The following NRG1 variants were observed in gnomAD, a reference collection of about 807,000 sequenced individuals.
The protein encoded by NRG1 is neuregulin 1.
Under a neutral mutation model 63.8 loss-of-function variants are expected in NRG1, and 18 were observed. The observed-to-expected ratio is 0.28, with a 90% CI of 0.19 to 0.42. The LOEUF is 0.42. Among genes scored for constraint, NRG1 ranks in the 10% least tolerant of loss-of-function variants. The pLI is 1.00. For missense variants in NRG1, 762 were observed against 814.7 expected (o/e 0.94, Z 0.79); for synonymous variants, 302 against 301.3 (o/e 1.00, Z -0.02).
chr8:31,818,946 C>T lies in NRG1; in HGVS notation c.37+179515C>T, dbSNP rs145050055. Among the ~76,000 whole-genome samples, 417 of 152,136 alleles carry T rather than the reference C, an allele frequency of 2.7e-3. 2 individuals carry two copies. The highest frequency in any genetic ancestry group is 9.4e-3 in the African/African-American group (391 of 41,540). On this transcript the variant is annotated intron_variant, in intron 1 of 10. Coordinates refer to the NRG1 transcript ENST00000519301. ...GTGGGCGCCTGTAGTCCCAGCTACT[C>T]GGGAGGCTGAGGCGAGAGAATCACT...
At chr8:32,297,407 A>G (rs554086006) in intron 1 of NRG1, among the ~76,000 whole-genome samples, 95 of 151,942 alleles carry the variant, frequency 6.3e-4, no homozygotes, top group Non-Finnish European at 1.3e-3. Flanking sequence ...TTCTGAGCAG[A>G]GGGATGATGT....
At chr8:31,791,553 T>C (rs4733275) in intron 1 of NRG1, among the ~76,000 whole-genome samples, 116,447 of 152,144 alleles carry the variant, frequency 0.77, 44,912 homozygotes, top group East Asian at 0.99. Context: ...TGCTATCTAA[T>C]GTATTCTGTT....
In NRG1 at chr8:32,024,210, G is replaced by A. The variant is rs76006447; in HGVS notation, c.37+384779G>A. 2.4e-3 allele frequency among the ~76,000 whole-genome samples: 372 copies of A among 152,278 alleles called. 4 individuals carry two copies. The highest frequency in any genetic ancestry group is 8.6e-3 in the African/African-American group (357 of 41,538). On this transcript the variant is annotated intron_variant, in intron 1 of 10. Transcript: ENST00000519301. ...TTCCATTACATACATGTCTTGAATCGGGAGAGTTAGAGCCTTATACTTTGT... is the reference window on the plus strand; with the variant it reads ...TTCCATTACATACATGTCTTGAATCAGGAGAGTTAGAGCCTTATACTTTGT...
At chr8:32,400,105 C>T (rs16879327) in intron 1 of NRG1, among the ~76,000 whole-genome samples, 20,203 of 152,124 alleles carry the variant, frequency 0.13, 1,415 homozygotes, top group South Asian at 0.19. Flanking sequence ...ACTTAGGCTG[C>T]CATTGCGTTA....
intron 1 of NRG1, among the ~76,000 whole-genome samples, chr8:32,015,858 T>G (rs989936720): frequency 6.6e-6 from 1 of 152,066 alleles, no homozygotes; most frequent in Non-Finnish European, 1.5e-5. Flanking sequence ...TTGTTTGTTT[T>G]TTTTTTTATT....
intron 1 of NRG1, among the ~76,000 whole-genome samples, chr8:32,414,608 T>A (rs1815597069): frequency 1.3e-5 from 2 of 152,278 alleles, no homozygotes; most frequent in African/African-American, 4.8e-5. Context: ...AGTATTTTAC[T>A]TTTGAAACCA....
chr8:31,791,229 A>G (rs973089379), intron 1 of NRG1, among the ~76,000 whole-genome samples: 1 of 151,874 alleles, frequency 6.6e-6, no homozygotes, highest in Non-Finnish European at 1.5e-5. Flanking sequence ...AAGAAAGAAA[A>G]AAAGAAGAGA....
At chr8:31,865,951 A>C (rs995308405) in intron 1 of NRG1, among the ~76,000 whole-genome samples, 3 of 152,174 alleles carry the variant, frequency 2.0e-5, no homozygotes, top group Admixed American at 1.3e-4. Flanking sequence ...TTGATGCTCC[A>C]CGTTGAGGGA....
chr8:31,857,004 T>A (rs1245475844), intron 1 of NRG1, among the ~76,000 whole-genome samples: 5 of 152,184 alleles, frequency 3.3e-5, no homozygotes, highest in African/African-American at 1.2e-4. Context: ...GGAGAACCAC[T>A]GCTCTCTTCA....
intron 1 of NRG1, among the ~76,000 whole-genome samples, chr8:31,980,842 T>C (rs1412772349): frequency 6.6e-6 from 1 of 152,058 alleles, no homozygotes; most frequent in Non-Finnish European, 1.5e-5. Context: ...CAGTGGTTTA[T>C]TTTATTCTAG....
intron 1 of NRG1, among the ~76,000 whole-genome samples, chr8:32,243,356 G>T (rs1033277995): frequency 6.6e-6 from 1 of 151,560 alleles, no homozygotes; most frequent in Non-Finnish European, 1.5e-5. Context: ...CTTGAACCCA[G>T]GAGGCAGACG....
At chr8:31,723,781 T>C (rs150286661) in intron 1 of NRG1, among the ~76,000 whole-genome samples, 1 of 152,284 alleles carries the variant, frequency 6.6e-6, no homozygotes, top group East Asian at 1.9e-4. Flanking sequence ...ATCTCTAATT[T>C]AGAAATGAAG....
chr8:32,009,328 C>T (rs1018364620), intron 1 of NRG1, among the ~76,000 whole-genome samples: 7 of 151,964 alleles, frequency 4.6e-5, no homozygotes, highest in Non-Finnish European at 2.9e-5. Flanking sequence ...ATATTCCATT[C>T]CCAGTTGTAT....
At chr8:31,639,818 C>T in intron 1 of NRG1, 4 of 1,225,648 alleles carry the variant, frequency 3.3e-6, no homozygotes, top group Non-Finnish European at 4.1e-6. Flanking sequence ...CCCTCCTCCT[C>T]CCATAAACAA....
chr8:31,775,680 G>A (rs1438149176), intron 1 of NRG1, among the ~76,000 whole-genome samples: 1 of 151,476 alleles, frequency 6.6e-6, no homozygotes, highest in Admixed American at 6.6e-5. Flanking sequence ...TCAGGAGATC[G>A]ACACCATCCT....
chr8:31,812,587 C>T (rs1027356039), intron 1 of NRG1, among the ~76,000 whole-genome samples: 2 of 151,572 alleles, frequency 1.3e-5, no homozygotes, highest in Non-Finnish European at 2.9e-5. Flanking sequence ...TCCCCTTCCT[C>T]CTCCTTCCTT....
Position 32,742,715 on chromosome 8 carries a change from G to A in NRG1, c.673G>A (p.Val225Ile), listed in dbSNP as rs745499338. 13 of 1,613,436 alleles carry A rather than the reference G, an allele frequency of 8.1e-6. No individual in the cohort carries two copies. The highest frequency in any genetic ancestry group is 1.1e-5 in the Non-Finnish European group (13 of 1,179,698). ...TACTGGTGATCGCTGCCAAAACTACGTAATGGCCAGCTTCTACAGTACGTC... is the reference window on the plus strand; with the variant it reads ...TACTGGTGATCGCTGCCAAAACTACATAATGGCCAGCTTCTACAGTACGTC... Residue 225 changes from valine (V) to isoleucine (I), a missense_variant, in exon 7 of 12, where the codon GTA becomes ATA. By Grantham distance (29) the Val-to-Ile change is conservative. Around this residue, in one of 3 missense-constraint regions of NRG1, gnomAD observed 122 missense variants for 190.1 expected, o/e 0.64. Coordinates refer to ENST00000356819, the Ensembl canonical transcript of NRG1. The surrounding 1 kb of genome is among the most constrained non-coding windows in gnomAD (Gnocchi z 4.2).
chr8:32,168,441 C>A (rs1313905204), intron 1 of NRG1, among the ~76,000 whole-genome samples: 2 of 152,100 alleles, frequency 1.3e-5, no homozygotes, highest in African/African-American at 4.8e-5. Flanking sequence ...GAAGTATTAT[C>A]AGGGGATTTA....
intron 1 of NRG1, among the ~76,000 whole-genome samples, chr8:32,321,761 G>A (rs1801416757): frequency 6.6e-6 from 1 of 151,934 alleles, no homozygotes; most frequent in Non-Finnish European, 1.5e-5. Context: ...CTACCACAAA[G>A]TAGCTTTGCT....
Sources: gnomAD v4.1 joint callset for allele counts (sites outside exome capture counted in the v4.1 genomes callset) on GRCh38, gnomAD v4.1.1 for gene constraint, gnomAD v4.1.1 regional missense constraint, Gnocchi (gnomAD v3.1) non-coding constraint, MANE v1.5 for transcripts, NCBI Gene and HGNC (gene_info 2026-07-23, HGNC 2026-07-21) for gene names.